Variants in HS3ST4 observed in about 807,000 individuals in gnomAD.
HS3ST4 encodes the protein heparan sulfate-glucosamine 3-sulfotransferase 4.
Under a neutral mutation model 29.2 loss-of-function variants are expected in HS3ST4, and 17 were observed. The ratio of observed to expected loss-of-function variants is 0.58; its 90% CI spans 0.40 to 0.87. The LOEUF (loss-of-function observed/expected upper bound fraction) is 0.87, where lower values mean the gene tolerates loss of function less well. HS3ST4 is among the 40% of genes least tolerant of loss of function. HS3ST4 has a pLI of 0.00. For missense variants in HS3ST4, 627 were observed against 634.5 expected, an observed-to-expected ratio of 0.99 and a Z score of 0.13; for synonymous variants, 314 against 285.7, an observed-to-expected ratio of 1.10 and a Z score of -1.00.
intron 1 of HS3ST4, among the ~76,000 whole-genome samples, chr16:25,747,004 A>T (rs1330168698): frequency 6.6e-6 from 1 of 152,146 alleles, no homozygotes; most frequent in East Asian, 1.9e-4. Context: ...GTGCACCATC[A>T]CACCAGCTTG....
intron 1 of HS3ST4, among the ~76,000 whole-genome samples, chr16:25,747,397 C>T (rs1966691955): frequency 6.6e-6 from 1 of 152,190 alleles, no homozygotes; most frequent in Non-Finnish European, 1.5e-5. Flanking sequence ...CTTTTGCTAC[C>T]AAACCAAATG....
chr16:26,030,044 C>T (rs1007876135), intron 1 of HS3ST4, among the ~76,000 whole-genome samples: 1 of 152,220 alleles, frequency 6.6e-6, no homozygotes, highest in Non-Finnish European at 1.5e-5. Flanking sequence ...GAGTGCACCG[C>T]ATGGCAGCAT....
chr16:25,994,428 A>G (rs1169617154), intron 1 of HS3ST4, among the ~76,000 whole-genome samples: 2 of 151,880 alleles, frequency 1.3e-5, no homozygotes, highest in Non-Finnish European at 2.9e-5. Context: ...TACATTTCCT[A>G]CCATTTCATA....
intron 1 of HS3ST4, among the ~76,000 whole-genome samples, chr16:26,013,363 C>T (rs888353687): frequency 1.4e-4 from 22 of 152,054 alleles, no homozygotes; most frequent in African/African-American, 4.8e-4. Flanking sequence ...ATTTCCTCAT[C>T]ATCTATAAAA....
At chr16:25,742,749 A>T (rs1465418799) in intron 1 of HS3ST4, among the ~76,000 whole-genome samples, 5 of 152,188 alleles carry the variant, frequency 3.3e-5, no homozygotes, top group African/African-American at 9.6e-5. Flanking sequence ...TGCATGGTTC[A>T]TGGGTTGAGC....
chr16:26,117,161 A>T (rs1899211694), intron 1 of HS3ST4, among the ~76,000 whole-genome samples: 1 of 152,204 alleles, frequency 6.6e-6, no homozygotes, highest in Admixed American at 6.5e-5. Flanking sequence ...GTGGGGACTA[A>T]GGAATTCGAA....
chr16:25,776,689 G>A (rs1320587046), intron 1 of HS3ST4, among the ~76,000 whole-genome samples: 1 of 152,192 alleles, frequency 6.6e-6, no homozygotes, highest in Non-Finnish European at 1.5e-5. Context: ...AGATACCGTG[G>A]TCAGTGTATT....
intron 1 of HS3ST4, among the ~76,000 whole-genome samples, chr16:26,097,253 C>CA (rs56237330): frequency 0.54 from 82,009 of 151,814 alleles, 22,900 homozygotes; most frequent in African/African-American, 0.67. Context: ...CATATGGAAC[C>CA]AAAAAGAGCC....
chr16:26,091,616 T>A (rs967303981), intron 1 of HS3ST4, among the ~76,000 whole-genome samples: 6 of 152,154 alleles, frequency 3.9e-5, no homozygotes, highest in Non-Finnish European at 8.8e-5. Context: ...TGAAGTAAAG[T>A]GCAACCAAGC....
intron 1 of HS3ST4, among the ~76,000 whole-genome samples, chr16:25,768,266 C>G (rs542007556): frequency 6.6e-6 from 1 of 152,310 alleles, no homozygotes; most frequent in East Asian, 1.9e-4. Context: ...GCATACCCTT[C>G]CAGACTCATT....
intron 1 of HS3ST4, among the ~76,000 whole-genome samples, chr16:25,960,480 A>G (rs182206641): frequency 3.7e-4 from 56 of 152,304 alleles, no homozygotes; most frequent in Admixed American, 2.7e-3. Context: ...CTCACATACT[A>G]CTTTTCTCAA....
chr16:26,028,272 C>CAA (rs57920476), intron 1 of HS3ST4, among the ~76,000 whole-genome samples: 1,536 of 46,238 alleles, frequency 0.033, 90 homozygotes, highest in African/African-American at 0.079. Context: ...GACACCGTCT[C>CAA]AAAAAAAAAA....
At chr16:25,713,091 C>T (rs975231362) in intron 1 of HS3ST4, among the ~76,000 whole-genome samples, 11 of 151,910 alleles carry the variant, frequency 7.2e-5, no homozygotes, top group Non-Finnish European at 1.2e-4. Context: ...TTCTGGGATA[C>T]ACATGCAGGT....
intron 1 of HS3ST4, among the ~76,000 whole-genome samples, chr16:26,080,977 G>A (rs1898716955): frequency 6.6e-6 from 1 of 152,080 alleles, no homozygotes; most frequent in Non-Finnish European, 1.5e-5. Flanking sequence ...CTCCACCCCA[G>A]CCTTACTGAG....
chr16:26,122,194 A>AG (rs1428906352), intron 1 of HS3ST4, among the ~76,000 whole-genome samples: 2 of 152,100 alleles, frequency 1.3e-5, no homozygotes, highest in East Asian at 3.9e-4. Context: ...AAAAAAAAAA[A>AG]AATCACATAT....
At chr16:25,833,869 G>A (rs752905128) in intron 1 of HS3ST4, among the ~76,000 whole-genome samples, 42 of 152,166 alleles carry the variant, frequency 2.8e-4, no homozygotes, top group Non-Finnish European at 5.4e-4. Flanking sequence ...GACCTGAATC[G>A]TTTCCATCCC....
At chr16:25,799,898 T>G (rs774002980) in intron 1 of HS3ST4, among the ~76,000 whole-genome samples, 5 of 152,136 alleles carry the variant, frequency 3.3e-5, no homozygotes, top group Non-Finnish European at 5.9e-5. Context: ...CAGGCTAGAG[T>G]GCATGGCTAT....
chr16:26,070,460 C>T (rs552949386), intron 1 of HS3ST4, among the ~76,000 whole-genome samples: 65 of 152,302 alleles, frequency 4.3e-4, no homozygotes, highest in African/African-American at 1.5e-3. Flanking sequence ...GATAATATAA[C>T]CTGCACTTGG....
chr16:25,961,745 G>A (rs1968794778), intron 1 of HS3ST4, among the ~76,000 whole-genome samples: 1 of 152,048 alleles, frequency 6.6e-6, no homozygotes, highest in African/African-American at 2.4e-5. Flanking sequence ...GGAAAAAATT[G>A]ATGCACAGGT....
Sources: gnomAD v4.1 joint callset for allele counts (sites outside exome capture counted in the v4.1 genomes callset) on GRCh38, gnomAD v4.1.1 for gene constraint, MANE v1.5 for transcripts, NCBI Gene and HGNC (gene_info 2026-07-23, HGNC 2026-07-21) for gene names.